NRG1: variants seen among roughly 807,000 people sequenced by gnomAD.
NRG1 encodes the protein pro-neuregulin-1, membrane-bound isoform.
NRG1 carries 18 observed loss-of-function variants against 63.8 expected under a neutral mutation model. That is an observed-to-expected ratio of 0.28 (90% CI 0.19 to 0.42). The LOEUF (loss-of-function observed/expected upper bound fraction) is 0.42. Ranked by LOEUF, NRG1 falls within the 10% of genes least tolerant of loss-of-function variation. The pLI is 1.00. For synonymous variants in NRG1, 302 were observed against 301.3 expected (o/e 1.00, Z -0.02); for missense variants, 762 against 814.7 (o/e 0.94, Z 0.79).
intron 1 of NRG1, among the ~76,000 whole-genome samples, chr8:32,086,545 A>C (rs529208752): frequency 6.6e-6 from 1 of 152,366 alleles, no homozygotes; most frequent in African/African-American, 2.4e-5. Context: ...TTGTATGAGT[A>C]GATCTGTTTA....
chr8:32,606,982 A>T (rs1385255136), intron 3 of NRG1, among the ~76,000 whole-genome samples: 1 of 152,116 alleles, frequency 6.6e-6, no homozygotes, highest in East Asian at 1.9e-4. Flanking sequence ...TCCTCTCTGG[A>T]CTTCTCAAGG....
At chr8:31,822,559 C>T (rs182318369) in intron 1 of NRG1, among the ~76,000 whole-genome samples, 80 of 152,220 alleles carry the variant, frequency 5.3e-4, no homozygotes, top group African/African-American at 1.6e-3. Flanking sequence ...GCCTCCCAGT[C>T]GTACTGGAGA....
intron 1 of NRG1, among the ~76,000 whole-genome samples, chr8:32,380,998 G>A (rs762355782): frequency 3.3e-5 from 5 of 152,180 alleles, no homozygotes; most frequent in East Asian, 1.9e-4. Context: ...TCCATGTAAC[G>A]CTAGATCTTA....
chr8:32,503,489 G>A (rs1828131910), intron 1 of NRG1, among the ~76,000 whole-genome samples: 1 of 152,006 alleles, frequency 6.6e-6, no homozygotes, highest in South Asian at 2.1e-4. Flanking sequence ...CTATAAAACA[G>A]TTATTGTTGA....
At chr8:32,425,932 T>C (rs974424812) in intron 1 of NRG1, among the ~76,000 whole-genome samples, 1 of 152,126 alleles carries the variant, frequency 6.6e-6, no homozygotes, top group Non-Finnish European at 1.5e-5. Context: ...AAACAGTTTC[T>C]CGGGCTGGGT....
Position 31,640,414 on chromosome 8 carries a change from C to A in NRG1, c.37+983C>A, listed in dbSNP as rs1387094488. The A allele has an allele frequency of 4.0e-6, 6 of 1,486,216 alleles. No homozygotes were observed. Among genetic ancestry groups the A allele is most frequent in the South Asian group, 1.3e-5 (1 of 77,166 alleles). 92.1% of individuals were successfully genotyped at this position (1,486,216 alleles called of 1,614,324 possible). ...CGCCAACGGGACCGTGCCCTCTTGGCCCACCGCCCCGGTGCCCAGCGCCGG... is the reference window on the plus strand; with the variant it reads ...CGCCAACGGGACCGTGCCCTCTTGGACCACCGCCCCGGTGCCCAGCGCCGG... On this transcript the variant is annotated intron_variant, in intron 1 of 10. Transcript: ENST00000519301. The surrounding 1 kb of genome is among the most constrained non-coding windows in gnomAD (Gnocchi z 6.3).
intron 1 of NRG1, among the ~76,000 whole-genome samples, chr8:32,336,584 T>A (rs1803297029): frequency 6.6e-6 from 1 of 152,134 alleles, no homozygotes. Flanking sequence ...GACTGGTGCT[T>A]AGAGGCCATG....
intron 1 of NRG1, among the ~76,000 whole-genome samples, chr8:31,950,394 G>T (rs1463604784): frequency 6.6e-6 from 1 of 152,162 alleles, no homozygotes; most frequent in Non-Finnish European, 1.5e-5. Flanking sequence ...ATTTAAGGGT[G>T]GAGATGGGAA....
At chr8:31,678,968 T>C (rs1313200693) in intron 1 of NRG1, among the ~76,000 whole-genome samples, 2 of 151,936 alleles carry the variant, frequency 1.3e-5, no homozygotes, top group African/African-American at 4.8e-5. Context: ...ATTGCTTTTA[T>C]TAGGGAATAA....
rs1478709784 is a variant in NRG1, at chr8:31,768,112, AAGAAGT to A, written c.37+128686_37+128691del. ...GATAACCTATTACATCAGAGATTCA[AAGAAGT>A]AGAATGGGAGAGAGAAGGAGTTATA... is the stretch of plus-strand genomic sequence containing the variant. On this transcript the variant is annotated intron_variant, in intron 1 of 10. Transcript: ENST00000519301. Among the ~76,000 whole-genome samples the A allele has an allele frequency of 3.6e-4, 55 of 152,282 alleles. 1 individual carries two copies. Among genetic ancestry groups the A allele is most frequent in the African/African-American group, 1.2e-3 (48 of 41,560 alleles).
intron 1 of NRG1, among the ~76,000 whole-genome samples, chr8:32,020,004 T>C (rs1027404546): frequency 6.6e-6 from 1 of 152,194 alleles, no homozygotes; most frequent in African/African-American, 2.4e-5. Context: ...TGGAATCAGA[T>C]TGACAACCTC....
chr8:32,724,862 G>A (rs139469094), intron 5 of NRG1, among the ~76,000 whole-genome samples: 162 of 152,262 alleles, frequency 1.1e-3, no homozygotes, highest in African/African-American at 3.8e-3. Flanking sequence ...ATTTTGCTAT[G>A]AAATATCCCA....
At chr8:32,544,522 T>C (rs886099237), upstream of NRG1, among the ~76,000 whole-genome samples, 1 of 150,086 alleles carries the variant, frequency 6.7e-6, no homozygotes, top group Non-Finnish European at 1.5e-5. Flanking sequence ...TTTATTGTTA[T>C]GAGACAGGGT....
chr8:32,575,278 G>T (rs2466076), intron 1 of NRG1, among the ~76,000 whole-genome samples: 81,674 of 151,888 alleles, frequency 0.54, 22,244 homozygotes, highest in East Asian at 0.83. Context: ...GCATGTTTTA[G>T]CTCACTTCAT....
intron 1 of NRG1, among the ~76,000 whole-genome samples, chr8:31,827,437 T>G (rs1824680254): frequency 6.6e-6 from 1 of 152,206 alleles, no homozygotes; most frequent in African/African-American, 2.4e-5. Context: ...CTTCTTTCTC[T>G]ACAAAGTAAT....
intron 1 of NRG1, among the ~76,000 whole-genome samples, chr8:31,856,984 C>G (rs1161165132): frequency 6.6e-6 from 1 of 152,182 alleles, no homozygotes; most frequent in African/African-American, 2.4e-5. Context: ...AGATCTCCAG[C>G]TGCGTGCTGG....
chr8:31,904,540 G>T (rs532056649), intron 1 of NRG1, among the ~76,000 whole-genome samples: 1 of 152,160 alleles, frequency 6.6e-6, no homozygotes, highest in African/African-American at 2.4e-5. Context: ...ATACCCAAAG[G>T]AGTATAAATC....
chr8:31,995,560 A>T (rs1297546439), intron 1 of NRG1, among the ~76,000 whole-genome samples: 1 of 151,932 alleles, frequency 6.6e-6, no homozygotes, highest in Non-Finnish European at 1.5e-5. Context: ...TTATAGGCAG[A>T]TGCTATTCCT....
chr8:31,831,785 G>T (rs1412671928), intron 1 of NRG1, among the ~76,000 whole-genome samples: 1 of 152,084 alleles, frequency 6.6e-6, no homozygotes, highest in African/African-American at 2.4e-5. Flanking sequence ...AGTTCCCTAT[G>T]GCTATGCCAT....
Sources: gnomAD v4.1 joint callset for allele counts (sites outside exome capture counted in the v4.1 genomes callset) on GRCh38, gnomAD v4.1.1 for gene constraint, Gnocchi (gnomAD v3.1) non-coding constraint, MANE v1.5 for transcripts, NCBI Gene and HGNC (gene_info 2026-07-23, HGNC 2026-07-21) for gene names.